R3HDM1: variants seen among roughly 807,000 people sequenced by gnomAD.
R3HDM1 encodes R3H domain-containing protein 1.
A neutral mutation model predicts 141.1 loss-of-function variants in R3HDM1; 46 were observed. That is an observed-to-expected ratio of 0.33 (90% CI 0.26 to 0.42). The LOEUF (loss-of-function observed/expected upper bound fraction) is 0.42, where lower values mean the gene tolerates loss of function less well. Ranked by LOEUF, R3HDM1 falls within the 10% of genes least tolerant of loss-of-function variation. The probability of loss-of-function intolerance (pLI) is 1.00; values close to 1 mark genes in which losing one functional copy is unlikely to be tolerated. For synonymous variants in R3HDM1, 435 were observed against 472.9 expected, an observed-to-expected ratio of 0.92 and a Z score of 1.04; for missense variants, 1,184 against 1,368.3, an observed-to-expected ratio of 0.87 and a Z score of 2.12.
chr2:135,702,231 A>AAAG (rs2074299174), intron 21 of R3HDM1, among the ~76,000 whole-genome samples: 1 of 90,802 alleles, frequency 1.1e-5, no homozygotes, highest in South Asian at 2.8e-4. Flanking sequence ...AAAAAAAAAA[A>AAAG]AAAAAAAAAG....
rs2061052709 is a variant in R3HDM1, at chr2:135,616,734, C to T, written c.280C>T (p.Pro94Ser). The T allele has an allele frequency of 3.1e-6, 5 of 1,606,508 alleles. No individual in the cohort carries two copies. Among genetic ancestry groups the T allele is most frequent in the African/African-American group, 1.3e-5 (1 of 74,738 alleles). Residue 94 changes from proline to serine, a missense_variant, in exon 5 of 27, where the codon CCA becomes TCA. This residue lies in a region of R3HDM1 where 192 missense variants were observed against 215.7 expected (regional missense o/e 0.89). Coordinates refer to ENST00000683871, the MANE Select transcript of R3HDM1 (RefSeq NM_001378107.1). Reference sequence around the variant, plus strand: ...TGAAGAATCTCCACCACCCCCTGCACCAGAGATATCACAGGAGAACCAGGT... The same window carrying T: ...TGAAGAATCTCCACCACCCCCTGCATCAGAGATATCACAGGAGAACCAGGT... ...VCEESPPPPA[P>S]EISQENQEKI...
chr2:135,622,240 G>T (rs2061579354), intron 6 of R3HDM1: 4 of 983,248 alleles, frequency 4.1e-6, no homozygotes, highest in Non-Finnish European at 4.8e-6. Flanking sequence ...CCAAATTATT[G>T]CCTCCATTAT....
intron 1 of R3HDM1, chr2:135,536,589 A>G (rs546399214): frequency 2.2e-6 from 2 of 902,886 alleles, no homozygotes; most frequent in Non-Finnish European, 2.6e-6. Flanking sequence ...ATTCTTGACC[A>G]TTCTCGAGAG....
At chr2:135,534,707 G>T (rs1695673364) in intron 1 of R3HDM1, among the ~76,000 whole-genome samples, 1 of 152,212 alleles carries the variant, frequency 6.6e-6, no homozygotes, top group Admixed American at 6.5e-5. Flanking sequence ...ACAAATGGGT[G>T]CTTCTCCAAA....
At chr2:135,555,733 G>A (rs764779370) in intron 1 of R3HDM1, among the ~76,000 whole-genome samples, 1 of 152,132 alleles carries the variant, frequency 6.6e-6, no homozygotes, top group Non-Finnish European at 1.5e-5. Flanking sequence ...ATGACAATAC[G>A]AAGCAATGAA....
At chr2:135,602,429 T>A (rs2059700094) in intron 1 of R3HDM1, 71 bp from the exon 2 acceptor site, 1 of 1,033,136 alleles carries the variant, frequency 9.7e-7, no homozygotes, top group East Asian at 3.2e-5. Context: ...TTTTAATTTC[T>A]CAGTTTCATG....
intron 26 of R3HDM1, 82 bp downstream of exon 26, chr2:135,722,635 T>C (rs1296125935): frequency 7.4e-7 from 1 of 1,348,078 alleles, no homozygotes; most frequent in East Asian, 2.4e-5. Context: ...AAATGGGTTT[T>C]CCTCTTCCTA....
intron 23 of R3HDM1, among the ~76,000 whole-genome samples, chr2:135,712,286 C>G (rs952143448): frequency 6.6e-6 from 1 of 152,108 alleles, no homozygotes; most frequent in Non-Finnish European, 1.5e-5. Flanking sequence ...CATTTAGAGA[C>G]AGGGTCTGGC....
chr2:135,600,507 A>G (rs1156572510), intron 1 of R3HDM1, among the ~76,000 whole-genome samples: 2 of 152,200 alleles, frequency 1.3e-5, no homozygotes, highest in African/African-American at 4.8e-5. Flanking sequence ...GTCAGTCCTC[A>G]CAACAAACCT....
intron 16 of R3HDM1, among the ~76,000 whole-genome samples, chr2:135,648,083 T>C (rs191318860): frequency 6.6e-6 from 1 of 152,200 alleles, no homozygotes; most frequent in African/African-American, 2.4e-5. Flanking sequence ...TAATAACACA[T>C]CAAGTAGCTT....
intron 19 of R3HDM1, among the ~76,000 whole-genome samples, chr2:135,674,933 T>C (rs1006401942): frequency 2.6e-5 from 4 of 151,260 alleles, no homozygotes; most frequent in African/African-American, 7.3e-5. Flanking sequence ...TTCTTAATAG[T>C]TGTTGTTTTT....
intron 21 of R3HDM1, among the ~76,000 whole-genome samples, chr2:135,702,556 G>C (rs1295521432): frequency 1.3e-5 from 2 of 151,290 alleles, no homozygotes; most frequent in Non-Finnish European, 2.9e-5. Context: ...AGCTACAGCA[G>C]GAAAATGGCG....
chr2:135,566,360 C>G (rs1190294706), intron 1 of R3HDM1, among the ~76,000 whole-genome samples: 1 of 152,152 alleles, frequency 6.6e-6, no homozygotes. Context: ...TTTGTACTAT[C>G]TTACATAGCG....
intron 1 of R3HDM1, among the ~76,000 whole-genome samples, chr2:135,537,996 G>T (rs1382894090): frequency 6.6e-6 from 1 of 152,164 alleles, no homozygotes; most frequent in African/African-American, 2.4e-5. Flanking sequence ...ACAAACTGCA[G>T]TCACACCTTG....
intron 1 of R3HDM1, chr2:135,566,879 G>A (rs1193291447): frequency 5.7e-6 from 3 of 525,590 alleles, no homozygotes; most frequent in African/African-American, 4.1e-5. Flanking sequence ...GGCTGGGGCA[G>A]AAGAATCACT....
chr2:135,576,732 G>A (rs1371544895), intron 1 of R3HDM1, among the ~76,000 whole-genome samples: 3 of 152,136 alleles, frequency 2.0e-5, no homozygotes, highest in Non-Finnish European at 4.4e-5. Context: ...ATTATACTAA[G>A]TGAAATAAAG....
At chr2:135,671,339 C>T (rs1161926205) in intron 19 of R3HDM1, among the ~76,000 whole-genome samples, 1 of 151,700 alleles carries the variant, frequency 6.6e-6, no homozygotes, top group Non-Finnish European at 1.5e-5. Flanking sequence ...TCTTGTAAAC[C>T]AGTGTTACGT....
intron 1 of R3HDM1, among the ~76,000 whole-genome samples, chr2:135,565,322 A>AAAAATTATT (rs201898357): frequency 1.0e-4 from 15 of 143,156 alleles, no homozygotes; most frequent in African/African-American, 3.4e-4. Flanking sequence ...AATGAAAAAA[A>AAAAATTATT]ATTATTATTA....
chr2:135,678,269 T>C (rs2069565058), intron 20 of R3HDM1, among the ~76,000 whole-genome samples: 1 of 151,584 alleles, frequency 6.6e-6, no homozygotes, highest in African/African-American at 2.4e-5. Flanking sequence ...CAGTCAGTCA[T>C]TACCTTTTAA....
Sources: allele counts gnomAD v4.1 joint callset (sites outside exome capture counted in the v4.1 genomes callset), GRCh38; gene constraint gnomAD v4.1.1; regional missense constraint gnomAD v4.1.1; transcripts MANE v1.5; gene names NCBI Gene and HGNC (gene_info 2026-07-23, HGNC 2026-07-21).